TMEM233: variants seen among roughly 807,000 people sequenced by gnomAD.
TMEM233 encodes dispanin subfamily B member 2.
A neutral mutation model predicts 11.2 loss-of-function variants in TMEM233; 6 were observed. The observed-to-expected ratio is 0.54, with a 90% CI of 0.29 to 1.06. The LOEUF is 1.06. TMEM233 is among the 50% of genes least tolerant of loss of function. The pLI, the probability that TMEM233 is intolerant of heterozygous loss-of-function variation, is 0.08. For synonymous variants in TMEM233, 59 were observed against 55.8 expected, an observed-to-expected ratio of 1.06 and a Z score of -0.26; for missense variants, 127 against 144.7, an observed-to-expected ratio of 0.88 and a Z score of 0.63.
intron 1 of TMEM233, among the ~76,000 whole-genome samples, chr12:119,611,989 T>C (rs1954407993): frequency 6.6e-6 from 1 of 151,852 alleles, no homozygotes; most frequent in East Asian, 1.9e-4. Flanking sequence ...AACCTGTGCA[T>C]AGATATTCTT....
chr12:119,623,895 A>AT (rs1954697691), intron 1 of TMEM233, among the ~76,000 whole-genome samples: 1 of 152,186 alleles, frequency 6.6e-6, no homozygotes, highest in Non-Finnish European at 1.5e-5. Context: ...GCTCTTGCAG[A>AT]TGATAAGACA....
At chr12:119,631,425 TG>T in intron 2 of TMEM233, 1 of 819,696 alleles carries the variant, frequency 1.2e-6, no homozygotes, top group Non-Finnish European at 1.5e-6. Context: ...CAGTGGCAGC[TG>T]GGTAGAGGGG....
chr12:119,599,633 T>G (rs1340601803), intron 1 of TMEM233, among the ~76,000 whole-genome samples: 1 of 152,164 alleles, frequency 6.6e-6, no homozygotes, highest in Admixed American at 6.5e-5. Context: ...AAGTCAATTT[T>G]CTCTGCAAAA....
chr12:119,627,622 G>A (rs764865622), intron 1 of TMEM233, among the ~76,000 whole-genome samples: 2 of 152,138 alleles, frequency 1.3e-5, no homozygotes, highest in Admixed American at 6.5e-5. Context: ...ACTGCAGGGA[G>A]GGCACCAAGC....
chr12:119,639,481 G>T lies in TMEM233; in HGVS notation c.324-1218G>T, dbSNP rs565955108. 1.6e-4 allele frequency among the ~76,000 whole-genome samples: 25 copies of T among 152,054 alleles called. No homozygotes were observed. The East Asian group carries it at 4.6e-3, about 28-fold the overall frequency. ...AAATAGAAAAAAAAAAATTAGCTGG[G>T]CATGGTGGCAGGCGCCTGTAGTCCC... is the stretch of plus-strand genomic sequence containing the variant. On this transcript the variant is annotated intron_variant, in intron 2 of 2. Coordinates refer to ENST00000426426, the MANE Select transcript of TMEM233 (RefSeq NM_001136534.3).
chr12:119,610,164 T>C (rs201368969), intron 1 of TMEM233, among the ~76,000 whole-genome samples: 30 of 152,380 alleles, frequency 2.0e-4, no homozygotes, highest in East Asian at 1.9e-3. Flanking sequence ...TAAGGTTTAA[T>C]GACTGCCCTA....
downstream of TMEM233, among the ~76,000 whole-genome samples, chr12:119,643,872 G>A (rs80175646): frequency 4.8e-3 from 734 of 152,258 alleles, 10 homozygotes; most frequent in African/African-American, 0.016. Flanking sequence ...CTCACAAGAC[G>A]GAAACTTCCA....
At position 119,640,895 on chromosome 12, in the gene TMEM233, A is replaced by AGCT. The variant is rs1468374819; in HGVS notation, c.*193_*195dup. 3.3e-5 allele frequency: 19 copies of AGCT among 572,254 alleles called. No individual in the cohort carries two copies. Among genetic ancestry groups the AGCT allele is most frequent in the Non-Finnish European group, 5.6e-5 (19 of 339,072 alleles). The allele number at this position is 572,254 out of a possible 1,614,324, so 35.4% of individuals were successfully genotyped here. Reference sequence around the variant, plus strand: ...AAAAGTCCAAAATTTAGGCAATCCAAGCTGCACAGCCGGATCAGCCAAAGT... The same window carrying AGCT: ...AAAAGTCCAAAATTTAGGCAATCCAAGCTGCTGCACAGCCGGATCAGCCAAAGT... On this transcript the variant is annotated 3_prime_UTR_variant, in exon 3 of 3. Coordinates refer to ENST00000426426, the MANE Select transcript of TMEM233 (RefSeq NM_001136534.3).
intron 1 of TMEM233, among the ~76,000 whole-genome samples, chr12:119,623,927 T>G (rs940842017): frequency 1.3e-5 from 2 of 152,222 alleles, no homozygotes; most frequent in African/African-American, 2.4e-5. Flanking sequence ...CTCAGATCTC[T>G]GAATTTCAAG....
chr12:119,618,610 T>C (rs1206996257), intron 1 of TMEM233, among the ~76,000 whole-genome samples: 1 of 152,174 alleles, frequency 6.6e-6, no homozygotes, highest in African/African-American at 2.4e-5. Context: ...GGGGATCATT[T>C]TGGAAATTTA....
chr12:119,653,965 A>G, the TMEM233 span, among the ~76,000 whole-genome samples: 1 of 81,722 alleles, frequency 1.2e-5, no homozygotes, highest in Non-Finnish European at 2.5e-5. Flanking sequence ...TACATATCCA[A>G]GAAGCTAAAA....
At chr12:119,604,043 C>T (rs1214593561) in intron 1 of TMEM233, among the ~76,000 whole-genome samples, 1 of 152,212 alleles carries the variant, frequency 6.6e-6, no homozygotes. Context: ...CACTGCAGAC[C>T]AGTTGGTCCA....
At chr12:119,648,925 TTCTC>T in the TMEM233 span, among the ~76,000 whole-genome samples, 1 of 152,190 alleles carries the variant, frequency 6.6e-6, no homozygotes, top group Non-Finnish European at 1.5e-5. Context: ...TCTCAAAACT[TTCTC>T]ACATATTCCT....
intron 1 of TMEM233, among the ~76,000 whole-genome samples, chr12:119,611,093 G>C (rs1016972442): frequency 5.9e-5 from 9 of 152,130 alleles, no homozygotes; most frequent in Non-Finnish European, 1.2e-4. Flanking sequence ...ATGGACATTG[G>C]ATTGATTCCA....
intron 1 of TMEM233, among the ~76,000 whole-genome samples, chr12:119,611,831 G>A (rs1046892873): frequency 2.6e-5 from 4 of 152,052 alleles, no homozygotes; most frequent in Non-Finnish European, 4.4e-5. Context: ...CTGAATCCCA[G>A]CTCTGCTCTT....
chr12:119,653,078 C>T, the TMEM233 span, among the ~76,000 whole-genome samples: 1 of 152,070 alleles, frequency 6.6e-6, no homozygotes, highest in African/African-American at 2.4e-5. Context: ...GCTATATTAT[C>T]CACAATGTGC....
chr12:119,629,785 G>A lies in TMEM233; in HGVS notation c.236G>A (p.Gly79Glu), dbSNP rs1325214931. The change falls in exon 2 of 3, where the codon GGG (glycine) becomes GAG (glutamate). Residue 79 changes from glycine to glutamate, a missense_variant. Physicochemically the swap from Gly to Glu is moderately conservative, Grantham distance 98 (BLOSUM62 -2). Coordinates refer to ENST00000426426, the MANE Select transcript of TMEM233 (RefSeq NM_001136534.3). ...GACTACGAAGGAGCCAGGCGGCTTG[G>A]GCGGAATGCTAAGTGGGTAGCCATC... is the stretch of plus-strand genomic sequence containing the variant. Reference protein sequence around the residue: ...DGDYEGARRLGRNAKWVAIAS... With the variant: ...DGDYEGARRLERNAKWVAIAS... The A allele has an allele frequency of 6.4e-7, 1 of 1,551,644 alleles. No individual in the cohort carries two copies. The highest frequency in any genetic ancestry group is 8.7e-7 in the Non-Finnish European group (1 of 1,146,964).
intron 2 of TMEM233, chr12:119,631,461 A>G (rs1566112273): frequency 1.0e-5 from 10 of 982,648 alleles, no homozygotes; most frequent in Non-Finnish European, 1.2e-5. Context: ...GAAGTGTCAC[A>G]AAAGAAAATT....
chr12:119,646,090 C>T (rs1356292780), downstream of TMEM233, among the ~76,000 whole-genome samples: 2 of 150,536 alleles, frequency 1.3e-5, no homozygotes, highest in African/African-American at 4.9e-5. Context: ...TGGAGTCTTG[C>T]TCTGTTGCCC....
Sources: gnomAD v4.1 joint callset for allele counts (sites outside exome capture counted in the v4.1 genomes callset) on GRCh38, gnomAD v4.1.1 for gene constraint, MANE v1.5 for transcripts, NCBI Gene and HGNC (gene_info 2026-07-23, HGNC 2026-07-21) for gene names.